The following CNTN5 variants were observed in gnomAD, a reference collection of about 807,000 sequenced individuals.
The protein encoded by CNTN5 is contactin-5.
CNTN5 carries 77 observed loss-of-function variants against 129.1 expected under a neutral mutation model. The observed-to-expected ratio is 0.60, with a 90% CI of 0.50 to 0.72. CNTN5 has a LOEUF of 0.72. Among genes scored for constraint, CNTN5 ranks in the 30% least tolerant of loss-of-function variants. The probability of loss-of-function intolerance (pLI) is 0.00; values close to 1 mark genes in which losing one functional copy is unlikely to be tolerated. For missense variants in CNTN5, 1,478 were observed against 1,328.8 expected, an observed-to-expected ratio of 1.11 and a Z score of -1.75; for synonymous variants, 509 against 465.6, an observed-to-expected ratio of 1.09 and a Z score of -1.20.
At chr11:100,337,384 G>T in intron 21 of CNTN5, 1 of 788,328 alleles carries the variant, frequency 1.3e-6, no homozygotes, top group East Asian at 2.5e-5. Context: ...GCCCTCAGCA[G>T]AGAGAGCACC....
At chr11:100,236,104 A>T (rs575240539) in intron 16 of CNTN5, among the ~76,000 whole-genome samples, 4 of 152,322 alleles carry the variant, frequency 2.6e-5, no homozygotes, top group Admixed American at 1.3e-4. Flanking sequence ...TAGGTAATTA[A>T]CATTTATTTT....
chr11:99,600,108 C>T (rs2135701745), intron 3 of CNTN5, among the ~76,000 whole-genome samples: 1 of 152,166 alleles, frequency 6.6e-6, no homozygotes, highest in Middle Eastern at 3.4e-3. Flanking sequence ...CTACACTTAA[C>T]AAAAATGTGC....
chr11:99,579,544 A>T (rs1419021351), intron 3 of CNTN5, among the ~76,000 whole-genome samples: 1 of 148,930 alleles, frequency 6.7e-6, no homozygotes, highest in Admixed American at 6.7e-5. Context: ...GAGGTCCTTC[A>T]CATCCCTTGT....
intron 13 of CNTN5, among the ~76,000 whole-genome samples, chr11:100,096,262 G>A (rs964446465): frequency 2.0e-5 from 3 of 151,906 alleles, no homozygotes; most frequent in African/African-American, 7.3e-5. Flanking sequence ...ATCTTCCTAG[G>A]CTTCATTTTC....
At chr11:99,504,700 A>G (rs1365428195) in intron 2 of CNTN5, among the ~76,000 whole-genome samples, 1 of 152,152 alleles carries the variant, frequency 6.6e-6, no homozygotes, top group Non-Finnish European at 1.5e-5. Flanking sequence ...CATCAAGTAA[A>G]TTGTTAGAAA....
At position 99,904,098 on chromosome 11, in the gene CNTN5, T is replaced by C. The variant is rs563089117; in HGVS notation, c.578-11956T>C. Among the ~76,000 whole-genome samples the C allele has an allele frequency of 5.9e-5, 9 of 152,292 alleles. 1 individual carries two copies. The South Asian group carries it at 1.9e-3, about 32-fold the overall frequency. On this transcript the variant is annotated intron_variant, in intron 6 of 24. Coordinates refer to ENST00000524871, the MANE Select transcript of CNTN5 (RefSeq NM_014361.4). The stretch of plus-strand genomic sequence containing the variant: ...ATTGCTTGCAAATATTGTATATAGT[T>C]CTATCATCATATATAGATAATTTTG...
intron 3 of CNTN5, among the ~76,000 whole-genome samples, chr11:99,681,338 A>ATT (rs35688225): frequency 7.0e-6 from 1 of 143,744 alleles, no homozygotes; most frequent in Non-Finnish European, 1.5e-5. Context: ...ACTACTAAGA[A>ATT]TTTTTTTGTG....
intron 1 of CNTN5, among the ~76,000 whole-genome samples, chr11:99,238,451 T>C (rs1861386169): frequency 6.6e-6 from 1 of 152,180 alleles, no homozygotes; most frequent in Non-Finnish European, 1.5e-5. Context: ...TGCTGGGTCT[T>C]ACACACCACT....
intron 3 of CNTN5, among the ~76,000 whole-genome samples, chr11:99,768,441 T>A: frequency 6.6e-6 from 1 of 152,112 alleles, no homozygotes; most frequent in South Asian, 2.1e-4. Flanking sequence ...TCATAGACAG[T>A]CCATATTCAG....
At chr11:99,535,649 G>C (rs1382968010) in intron 2 of CNTN5, among the ~76,000 whole-genome samples, 2 of 152,176 alleles carry the variant, frequency 1.3e-5, no homozygotes, top group Non-Finnish European at 2.9e-5. Context: ...TTAGAGAGAA[G>C]TGTGGTTGGT....
chr11:99,310,314 C>T (rs968561207), intron 1 of CNTN5, among the ~76,000 whole-genome samples: 4 of 152,020 alleles, frequency 2.6e-5, no homozygotes, highest in Non-Finnish European at 5.9e-5. Context: ...TGAAATCCAA[C>T]TCCAAGGAAA....
At chr11:99,067,302 G>C (rs79420849) in intron 1 of CNTN5, among the ~76,000 whole-genome samples, 3,101 of 152,132 alleles carry the variant, frequency 0.02, 76 homozygotes, top group African/African-American at 0.056. Context: ...TCCTAATGCA[G>C]CTCAAAGCAG....
At position 100,302,603 on chromosome 11, in the gene CNTN5, A is replaced by G. The variant is rs140736647; in HGVS notation, c.2620+3207A>G. ...CACTGTGAAAAAGCCACCTTTTCAC[A>G]GCCGACACCAAGCTGGGAAGAAAAA... On this transcript the variant is annotated intron_variant, in intron 20 of 24. Transcript: ENST00000524871. Among the ~76,000 whole-genome samples, 1,196 of 151,618 alleles carry G rather than the reference A, an allele frequency of 7.9e-3. 12 individuals carry two copies. Among genetic ancestry groups the G allele is most frequent in the African/African-American group, 0.026 (1,092 of 41,454 alleles).
In CNTN5 at chr11:99,364,033, G is replaced by C. The variant is rs777032746; in HGVS notation, c.-71+38549G>C. Among the ~76,000 whole-genome samples the C allele has an allele frequency of 3.2e-4, 49 of 152,112 alleles. 1 individual carries two copies. Among genetic ancestry groups the C allele is most frequent in the South Asian group, 6.2e-4 (3 of 4,824 alleles). On this transcript the variant is annotated intron_variant, in intron 2 of 24. Coordinates refer to ENST00000524871, the MANE Select transcript of CNTN5 (RefSeq NM_014361.4). ...CATTTTACTCACTGAAAAGAATCAA[G>C]ATTTTTTGTGTTTTAAAATAACAAA...
chr11:99,194,609 T>C (rs892801245), intron 1 of CNTN5, among the ~76,000 whole-genome samples: 3 of 151,552 alleles, frequency 2.0e-5, no homozygotes, highest in Non-Finnish European at 4.4e-5. Flanking sequence ...TATTGAATTA[T>C]TTTTTTTTCT....
intron 1 of CNTN5, among the ~76,000 whole-genome samples, chr11:99,169,762 G>C (rs1861059695): frequency 6.6e-6 from 1 of 152,056 alleles, no homozygotes; most frequent in African/African-American, 2.4e-5. Context: ...TTTAGTCGGT[G>C]AAAAACATTA....
rs573314665 is a variant in CNTN5 at position 100,169,278 on chromosome 11, T to G, written c.1581-21848T>G. Among the ~76,000 whole-genome samples, 5 of 152,118 alleles carry G rather than the reference T, an allele frequency of 3.3e-5. No homozygotes were observed. The East Asian group carries it at 7.8e-4, about 24-fold the overall frequency. On this transcript the variant is annotated intron_variant, in intron 13 of 24. Transcript: ENST00000524871. Reference sequence around the variant, plus strand: ...TGGGTGAAGTATGAACCAACAGCATTGCATGCTACAGAGAAATCTTTCATG... The same window carrying G: ...TGGGTGAAGTATGAACCAACAGCATGGCATGCTACAGAGAAATCTTTCATG...
At chr11:99,030,985 G>C (rs1008205460) in intron 1 of CNTN5, among the ~76,000 whole-genome samples, 3 of 151,106 alleles carry the variant, frequency 2.0e-5, no homozygotes, top group African/African-American at 7.3e-5. Context: ...TTTTAGTAGA[G>C]ACTGGGTTTC....
chr11:99,735,725 A>G (rs777914295), intron 3 of CNTN5, among the ~76,000 whole-genome samples: 9 of 152,190 alleles, frequency 5.9e-5, no homozygotes, highest in Admixed American at 1.3e-4. Flanking sequence ...ATGTATTGAT[A>G]TATACCTTGT....
Sources: gnomAD v4.1 joint callset for allele counts (sites outside exome capture counted in the v4.1 genomes callset) on GRCh38, gnomAD v4.1.1 for gene constraint, MANE v1.5 for transcripts, NCBI Gene and HGNC (gene_info 2026-07-23, HGNC 2026-07-21) for gene names.